INTS13: variants seen among roughly 807,000 people sequenced by gnomAD.
INTS13 encodes asunder, spermatogenesis regulator homolog (Drosphila).
A neutral mutation model predicts 90.2 loss-of-function variants in INTS13; 35 were observed. The ratio of observed to expected loss-of-function variants is 0.39; its 90% CI spans 0.30 to 0.51. The LOEUF is 0.51. Ranked by LOEUF, INTS13 falls within the 20% of genes least tolerant of loss-of-function variation. The probability of loss-of-function intolerance (pLI) is 0.80; values close to 1 mark genes in which losing one functional copy is unlikely to be tolerated. For synonymous variants in INTS13, 309 were observed against 277.1 expected (o/e 1.11, Z -1.14); for missense variants, 601 against 851.2 (o/e 0.71, Z 3.66).
At position 26,905,534 on chromosome 12, in the gene INTS13, A is replaced by G. The variant is rs1215055045; in HGVS notation, c.2084T>C (p.Met695Thr). 2 of 1,611,710 alleles carry G rather than the reference A, an allele frequency of 1.2e-6. No homozygotes were observed. ...LYQHLKEENG[M>T]ETTENGKASR... ...GGCTTTTCCATTTTCTGTTGTCTCC[A>G]TCCTGAAATAGGAAGAAAAAAACGA... The change falls in exon 17 of 17, where the codon ATG (methionine) becomes ACG (threonine). Residue 695 changes from methionine to threonine, a missense_variant and splice_region_variant. By Grantham distance (81) the Met-to-Thr change is moderately conservative (BLOSUM62 -1). Coordinates refer to ENST00000261191, the MANE Select transcript of INTS13 (RefSeq NM_018164.3).
chr12:26,923,228 G>A (rs1467915509), intron 7 of INTS13, among the ~76,000 whole-genome samples: 1 of 152,108 alleles, frequency 6.6e-6, no homozygotes, highest in African/African-American at 2.4e-5. Context: ...AGATTGAAGA[G>A]TCACACCAGT....
chr12:26,930,467 T>C (rs752823108), intron 3 of INTS13, among the ~76,000 whole-genome samples: 4 of 152,182 alleles, frequency 2.6e-5, no homozygotes, highest in Admixed American at 1.3e-4. Context: ...AGGTTTAACA[T>C]AGGGAAAAGG....
At chr12:26,922,813 T>A (rs1937661043) in intron 7 of INTS13, 113 bp from the exon 8 acceptor site, 2 of 566,212 alleles carry the variant, frequency 3.5e-6, no homozygotes, top group South Asian at 2.9e-5. Context: ...CATTCAATAA[T>A]AATTAGCTAA....
intron 3 of INTS13, among the ~76,000 whole-genome samples, chr12:26,934,020 T>G (rs1051112711): frequency 6.6e-6 from 1 of 152,176 alleles, no homozygotes; most frequent in Non-Finnish European, 1.5e-5. Context: ...ATATTAATAT[T>G]GAGAACACAA....
intron 3 of INTS13, among the ~76,000 whole-genome samples, chr12:26,934,252 A>C (rs569727953): frequency 7.9e-5 from 12 of 152,336 alleles, no homozygotes; most frequent in African/African-American, 2.9e-4. Flanking sequence ...TCTGGGTGAC[A>C]GCAAGACTCC....
In INTS13 at chr12:26,913,458, T is replaced by C. The variant is rs781238391; in HGVS notation, c.1804A>G (p.Arg602Gly). Residue 602 changes from arginine (R) to glycine (G), a missense_variant and splice_region_variant, in exon 14 of 17, where the codon AGA becomes GGA. By Grantham distance (125) the Arg-to-Gly change is moderately radical (BLOSUM62 -2). Around this residue, in one of 3 missense-constraint regions of INTS13, gnomAD observed 228 missense variants for 272.5 expected, o/e 0.84. Coordinates refer to ENST00000261191, the MANE Select transcript of INTS13 (RefSeq NM_018164.3). ...EQEKSWQDSE[R>G]LKGILERGKE... ...GCTATATCAATGCCAGGAAGTCACC[T>C]CTCTGAGTCTTGCCAAGACTTTTCC... 6.2e-7 allele frequency: 1 copy of C among 1,613,798 alleles called. No homozygotes were observed. Among genetic ancestry groups the C allele is most frequent in the Non-Finnish European group, 8.5e-7 (1 of 1,179,750 alleles).
At position 26,912,024 on chromosome 12, in the gene INTS13, T is replaced by C. The variant is rs571023872; in HGVS notation, c.1806-707A>G. On this transcript the variant is annotated intron_variant, in intron 14 of 16. Transcript: ENST00000261191. The stretch of plus-strand genomic sequence containing the variant: ...ATTCCTATGGGTGTAGTGGTAAAGG[T>C]AGTGGATGAAGATATATATGAAATG... 3.9e-5 allele frequency among the ~76,000 whole-genome samples: 6 copies of C among 152,258 alleles called. No individual in the cohort carries two copies. The South Asian group carries it at 1.2e-3, about 32-fold the overall frequency.
rs201217055 is a variant in INTS13, at chr12:26,928,924, A to T, written c.301-19T>A. The T allele has an allele frequency of 1.5e-5, 24 of 1,608,348 alleles. No homozygotes were observed. The highest frequency in any genetic ancestry group is 6.7e-5 in the Admixed American group (4 of 59,620). ...CCATTAGCTAAGTAAAAGGGAAAAC[A>T]ATTATGTTGACAAGAGTATGTGCAA... On this transcript the variant is annotated intron_variant, in intron 3 of 16. Transcript: ENST00000261191.
intron 8 of INTS13, among the ~76,000 whole-genome samples, chr12:26,919,455 A>G (rs2137475077): frequency 6.6e-6 from 1 of 152,298 alleles, no homozygotes; most frequent in African/African-American, 2.4e-5. Flanking sequence ...GAACATGGTC[A>G]GGATTAGCAT....
intron 8 of INTS13, among the ~76,000 whole-genome samples, chr12:26,919,517 T>C (rs1226838262): frequency 6.6e-6 from 1 of 152,190 alleles, no homozygotes; most frequent in East Asian, 1.9e-4. Context: ...ACAGGCCATT[T>C]AGTAGGCTAC....
intron 5 of INTS13, 92 bp from the exon 6 acceptor site, chr12:26,925,943 C>T: frequency 1.2e-6 from 1 of 833,158 alleles, no homozygotes; most frequent in Admixed American, 2.2e-5. Flanking sequence ...CATATTAAAA[C>T]ATCATATTGC....
Position 26,928,637 on chromosome 12 carries a change from T to C in INTS13, c.503+66A>G. 5.3e-6 allele frequency: 8 copies of C among 1,513,828 alleles called. No homozygotes were observed. The South Asian group carries it at 7.9e-5, about 15-fold the overall frequency. The allele number at this position is 1,513,828 out of a possible 1,614,324, so 93.8% of individuals were successfully genotyped here. ...CATGTAAACATGCTGTCTCTACTAT[T>C]CTGAAAAACTACAACAGGATTTTAA... is the stretch of plus-strand genomic sequence containing the variant. On this transcript the variant is annotated intron_variant, in intron 4 of 16. Coordinates refer to ENST00000261191, the MANE Select transcript of INTS13 (RefSeq NM_018164.3).
In INTS13 at chr12:26,937,094, A is replaced by T. The variant is rs183441179; in HGVS notation, c.-11-280T>A. ...TTTAAAATGAACTTAAAATTGTCAG[A>T]GGGAAACATTTTGACATTTAATTGT... On this transcript the variant is annotated intron_variant, in intron 1 of 16. Coordinates refer to ENST00000261191, the MANE Select transcript of INTS13 (RefSeq NM_018164.3). 2.6e-4 allele frequency among the ~76,000 whole-genome samples: 40 copies of T among 152,338 alleles called. No individual in the cohort carries two copies. The East Asian group carries it at 4.0e-3, about 15-fold the overall frequency.
At chr12:26,920,022 G>C (rs961445032) in intron 8 of INTS13, among the ~76,000 whole-genome samples, 5 of 152,072 alleles carry the variant, frequency 3.3e-5, no homozygotes, top group African/African-American at 1.2e-4. Flanking sequence ...CAACTACTCG[G>C]GAGGCTGAGG....
chr12:26,936,104 G>C (rs530728825), intron 2 of INTS13, among the ~76,000 whole-genome samples: 1 of 152,190 alleles, frequency 6.6e-6, no homozygotes, highest in Non-Finnish European at 1.5e-5. Context: ...TTCTGGCTCT[G>C]CCTCTACGTA....
chr12:26,906,395 G>A lies in INTS13; in HGVS notation c.1988C>T (p.Thr663Ile). 6.2e-7 allele frequency: 1 copy of A among 1,610,836 alleles called. No individual in the cohort carries two copies. ...TTCCTGATGTTTTCTGGAATTGGCA[G>A]TATTGATTCTATTACTCCACAAGGA... The part of the protein sequence containing the change: ...LLSLWSNRIN[T>I]ANSRKHQEFA... The change falls in exon 16 of 17, where the codon ACT becomes ATT. Residue 663 changes from threonine to isoleucine, a missense_variant. Physicochemically the swap from Thr to Ile is moderately conservative, Grantham distance 89. Around this residue, in one of 3 missense-constraint regions of INTS13, gnomAD observed 228 missense variants for 272.5 expected, o/e 0.84. Coordinates refer to ENST00000261191, the MANE Select transcript of INTS13 (RefSeq NM_018164.3).
rs544206227 is a variant in INTS13, at chr12:26,937,299, G to A, written c.-11-485C>T. ...AGGGGTGCGGAATTAACAGGAAAGA[G>A]GAGTGACAGCAAAAGAAAAGGCCAA... On this transcript the variant is annotated intron_variant, in intron 1 of 16. Transcript: ENST00000261191. 7.2e-5 allele frequency among the ~76,000 whole-genome samples: 11 copies of A among 152,098 alleles called. No homozygotes were observed. The South Asian group carries it at 8.3e-4, about 11-fold the overall frequency.
Position 26,924,497 on chromosome 12 carries a change from T to C in INTS13, c.676-14A>G. The C allele has an allele frequency of 6.3e-7, 1 of 1,590,882 alleles. No individual in the cohort carries two copies. Among genetic ancestry groups the C allele is most frequent in the Non-Finnish European group, 8.6e-7 (1 of 1,168,036 alleles). ...AACCGGGGACAACTACAGAAAAACA[T>C]ACAAGAAAAATAATCCACAAAATAT... On this transcript the variant is annotated splice_polypyrimidine_tract_variant and intron_variant, in intron 6 of 16. Coordinates refer to ENST00000261191, the MANE Select transcript of INTS13 (RefSeq NM_018164.3).
Position 26,922,586 on chromosome 12 carries a change from T to C in INTS13, c.889+30A>G, listed in dbSNP as rs142563694. On this transcript the variant is annotated intron_variant, in intron 8 of 16. Transcript: ENST00000261191. The stretch of plus-strand genomic sequence containing the variant: ...TAATATGCTTTCATATGTTAGATCA[T>C]ACAAAATAATACTTTCAAATGTCTC... The C allele has an allele frequency of 1.6e-5, 25 of 1,515,372 alleles. No individual in the cohort carries two copies. In the Admixed American group the frequency reaches 4.1e-4, roughly 25 times the overall value. The allele number at this position is 1,515,372 out of a possible 1,614,324, so 93.9% of individuals were successfully genotyped here. A position where few individuals can be genotyped will look rare whatever the true frequency, so the allele number is the denominator to read the frequency against.
Sources: gnomAD v4.1 joint callset for allele counts (sites outside exome capture counted in the v4.1 genomes callset) on GRCh38, gnomAD v4.1.1 for gene constraint, gnomAD v4.1.1 regional missense constraint, MANE v1.5 for transcripts, NCBI Gene and HGNC (gene_info 2026-07-23, HGNC 2026-07-21) for gene names.